The following BCL2L11 variants were observed in gnomAD, a reference collection of about 807,000 sequenced individuals.
BCL2L11 encodes the protein bcl-2-like protein 11.
A neutral mutation model predicts 20.6 loss-of-function variants in BCL2L11; 15 were observed. The observed-to-expected ratio is 0.73, with a 90% CI of 0.49 to 1.12. The LOEUF (loss-of-function observed/expected upper bound fraction) is 1.12. BCL2L11 is among the 50% of genes most tolerant of loss of function. The probability of loss-of-function intolerance (pLI) is 0.00; values close to 1 mark genes in which losing one functional copy is unlikely to be tolerated. For synonymous variants in BCL2L11, 108 were observed against 92.8 expected, an observed-to-expected ratio of 1.16 and a Z score of -0.94; for missense variants, 292 against 260.9, an observed-to-expected ratio of 1.12 and a Z score of -0.82.
rs374590525 is a variant in BCL2L11 at position 111,138,924 on chromosome 2, G to T, written c.395-11120G>T. 7.2e-5 allele frequency among the ~76,000 whole-genome samples: 11 copies of T among 152,226 alleles called. 3 individuals carry two copies. Among genetic ancestry groups the T allele is most frequent in the African/African-American group, 2.6e-4 (11 of 41,532 alleles). On this transcript the variant is annotated intron_variant, in intron 2 of 3. Coordinates refer to ENST00000393256, the MANE Select transcript of BCL2L11 (RefSeq NM_138621.5). ...GACAGAAAGCCCCTGGTAGAAACTC[G>T]CACAGGAATCTTTCCTTGCCCCTCA...
intron 2 of BCL2L11, among the ~76,000 whole-genome samples, chr2:111,129,204 A>T (rs145410965): frequency 1.3e-5 from 2 of 152,376 alleles, no homozygotes; most frequent in East Asian, 3.9e-4. Flanking sequence ...ATGGTAGAGC[A>T]CATGCTTTCT....
intron 3 of BCL2L11, among the ~76,000 whole-genome samples, chr2:111,150,606 G>A (rs1035458542): frequency 3.3e-5 from 5 of 152,226 alleles, no homozygotes; most frequent in Non-Finnish European, 5.9e-5. Flanking sequence ...AGGGTGGCCC[G>A]AGGAAGCAGG....
chr2:111,137,994 T>C (rs534693070), intron 2 of BCL2L11, among the ~76,000 whole-genome samples: 1 of 140,074 alleles, frequency 7.1e-6, no homozygotes, highest in African/African-American at 2.7e-5. Flanking sequence ...TCTCCCTTTT[T>C]TCTTTCTTTC....
chr2:111,152,043 G>A, intron 3 of BCL2L11: 5 of 691,760 alleles, frequency 7.2e-6, no homozygotes, highest in East Asian at 2.7e-5. Context: ...AAGAACTGGT[G>A]AGAAGTGGGA....
Position 111,123,894 on chromosome 2 carries a change from G to T in BCL2L11, c.149G>T (p.Gly50Val). 6.2e-7 allele frequency: 1 copy of T among 1,611,394 alleles called. No homozygotes were observed. The highest frequency in any genetic ancestry group is 8.5e-7 in the Non-Finnish European group (1 of 1,178,766). The change falls in exon 2 of 4, where the codon GGT becomes GTT. Residue 50 changes from glycine (G) to valine (V), a missense_variant. Physicochemically the swap from Gly to Val is moderately radical, Grantham distance 109. Coordinates refer to ENST00000393256, the MANE Select transcript of BCL2L11 (RefSeq NM_138621.5). The part of the protein sequence containing the change: ...PQGNPEGNHG[G>V]EGDSCPHGSP... ...GGTAATCCTGAAGGCAATCACGGAG[G>T]TGAAGGGGACAGCTGCCCCCACGGC...
chr2:111,158,430 G>A (rs2078152072), intron 3 of BCL2L11, among the ~76,000 whole-genome samples: 1 of 152,132 alleles, frequency 6.6e-6, no homozygotes, highest in East Asian at 1.9e-4. Context: ...GTGGGGATCA[G>A]ACACCAACCA....
chr2:111,135,777 T>C (rs2074768765), intron 2 of BCL2L11, among the ~76,000 whole-genome samples: 1 of 152,166 alleles, frequency 6.6e-6, no homozygotes, highest in Non-Finnish European at 1.5e-5. Context: ...TCATGTCAAC[T>C]AACTAACCCC....
chr2:111,165,736 ACT>A lies in BCL2L11; in HGVS notation c.*1508_*1509del, dbSNP rs1450084116. On this transcript the variant is annotated 3_prime_UTR_variant, in exon 4 of 4. Transcript: ENST00000393256. Reference sequence around the variant, plus strand: ...GGAAGACAATTCTGTGAACTCTGTAACTCTTAAAATTTTTGAAAACTCCATCG... The same window carrying A: ...GGAAGACAATTCTGTGAACTCTGTAACTTAAAATTTTTGAAAACTCCATCG... 3 of 152,110 alleles carry A rather than the reference ACT, an allele frequency of 2.0e-5. No individual in the cohort carries two copies. The highest frequency in any genetic ancestry group is 7.2e-5 in the African/African-American group (3 of 41,436). 9.4% of individuals were successfully genotyped at this position (152,110 alleles called of 1,614,324 possible).
At chr2:111,160,391 G>A (rs947908145) in intron 3 of BCL2L11, among the ~76,000 whole-genome samples, 7 of 152,294 alleles carry the variant, frequency 4.6e-5, no homozygotes, top group South Asian at 2.1e-4. Flanking sequence ...ACACAGACAC[G>A]TGCCTTGAAG....
intron 1 of BCL2L11, chr2:111,123,081 C>T (rs1247444303): frequency 1.5e-5 from 15 of 970,462 alleles, no homozygotes; most frequent in East Asian, 1.1e-4. Flanking sequence ...AGATGTGCAC[C>T]TCACGGTGTG....
At position 111,164,435 on chromosome 2, in the gene BCL2L11, G is replaced by A; in HGVS notation, c.*204G>A. On this transcript the variant is annotated 3_prime_UTR_variant, in exon 4 of 4. Coordinates refer to ENST00000393256, the MANE Select transcript of BCL2L11 (RefSeq NM_138621.5). ...ACAGCAGAATTTCTAATGGAAGTTT[G>A]TTGTGAATGTAAAGGAGGGAGCATT... The A allele has an allele frequency of 2.0e-6, 1 of 490,156 alleles. No homozygotes were observed. Among genetic ancestry groups the A allele is most frequent in the African/African-American group, 1.9e-5 (1 of 52,596 alleles). 30.4% of individuals were successfully genotyped at this position (490,156 alleles called of 1,614,324 possible).
intron 2 of BCL2L11, among the ~76,000 whole-genome samples, chr2:111,138,708 G>A (rs2075325040): frequency 6.6e-6 from 1 of 152,156 alleles, no homozygotes; most frequent in Non-Finnish European, 1.5e-5. Flanking sequence ...GTGTTGGCAG[G>A]TTGCTCTTGG....
At chr2:111,130,127 G>GAA in intron 2 of BCL2L11, 1 of 323,364 alleles carries the variant, frequency 3.1e-6, no homozygotes, top group African/African-American at 2.6e-5. Flanking sequence ...TTTTTTTTGT[G>GAA]ACAGTCTCAC....
intron 1 of BCL2L11, chr2:111,123,108 T>C (rs1164739567): frequency 1.0e-6 from 1 of 978,738 alleles, no homozygotes; most frequent in Non-Finnish European, 1.2e-6. Flanking sequence ...AGAGAAGTTC[T>C]GTCTGATTCG....
At chr2:111,134,166 T>C (rs930659009) in intron 2 of BCL2L11, among the ~76,000 whole-genome samples, 2 of 152,106 alleles carry the variant, frequency 1.3e-5, no homozygotes, top group Middle Eastern at 3.2e-3. Flanking sequence ...ACATTTAAGA[T>C]AATATATGTA....
rs139638123 is a variant in BCL2L11 at position 111,147,060 on chromosome 2, G to A, written c.395-2984G>A. On this transcript the variant is annotated intron_variant, in intron 2 of 3. Coordinates refer to ENST00000393256, the MANE Select transcript of BCL2L11 (RefSeq NM_138621.5). ...TCTTTTTTGCAAAATGTAATTTATA[G>A]TATCTATTTCCATAATAACTTTTTA... Among the ~76,000 whole-genome samples, 390 of 152,234 alleles carry A rather than the reference G, an allele frequency of 2.6e-3. 2 individuals carry two copies. The highest frequency in any genetic ancestry group is 9.1e-3 in the African/African-American group (378 of 41,548).
In BCL2L11 at chr2:111,168,182, C is replaced by G. The variant is rs536469005; in HGVS notation, c.*3951C>G. 122 of 152,736 alleles carry G rather than the reference C, an allele frequency of 8.0e-4. No homozygotes were observed. Among genetic ancestry groups the G allele is most frequent in the African/African-American group, 2.7e-3 (114 of 41,550 alleles). The allele number at this position is 152,736 out of a possible 1,614,324, so 9.5% of individuals were successfully genotyped here. On this transcript the variant is annotated 3_prime_UTR_variant, in exon 4 of 4. Transcript: ENST00000393256. ...ATGTTTTATGTCCAGATTCTGTGAC[C>G]ACTAGTTACTGTATCAGAACTCATC...
At chr2:111,128,724 A>G in intron 2 of BCL2L11, 1 of 1,549,484 alleles carries the variant, frequency 6.5e-7, no homozygotes, top group South Asian at 1.2e-5. Context: ...AAGATACAGA[A>G]CAACTCAACC....
At chr2:111,146,227 A>G (rs1280449156) in intron 2 of BCL2L11, 2 of 983,598 alleles carry the variant, frequency 2.0e-6, no homozygotes, top group Non-Finnish European at 2.4e-6. Flanking sequence ...TGCCAAGTTA[A>G]AAATTTGATC....
Sources: allele counts gnomAD v4.1 joint callset (sites outside exome capture counted in the v4.1 genomes callset), GRCh38; gene constraint gnomAD v4.1.1; transcripts MANE v1.5; gene names NCBI Gene and HGNC (gene_info 2026-07-23, HGNC 2026-07-21).